The following PDE4B variants were observed in gnomAD, a reference collection of about 807,000 sequenced individuals.
The protein encoded by PDE4B is 3',5'-cyclic-AMP phosphodiesterase 4B.
In PDE4B, 20 loss-of-function variants were observed where a neutral mutation model predicts 82.2. The ratio of observed to expected loss-of-function variants is 0.24; its 90% CI spans 0.17 to 0.35. The LOEUF is 0.35. Among genes scored for constraint, PDE4B ranks in the 10% least tolerant of loss-of-function variants. PDE4B has a pLI of 1.00. For missense variants in PDE4B, 655 were observed against 907.2 expected, an observed-to-expected ratio of 0.72 and a Z score of 3.57; for synonymous variants, 320 against 318.9, an observed-to-expected ratio of 1.00 and a Z score of -0.04.
rs530802509 is a variant in PDE4B, at chr1:66,165,958, A to G, written c.282-81502A>G. Reference sequence around the variant, plus strand: ...ACAAATCAAACCTTGAGGGGAAAAAAAAAAAAGAAATTGGAGGATTCACAC... The same window carrying G: ...ACAAATCAAACCTTGAGGGGAAAAAGAAAAAAGAAATTGGAGGATTCACAC... On this transcript the variant is annotated intron_variant, in intron 3 of 16. Transcript: ENST00000341517. Among the ~76,000 whole-genome samples the G allele has an allele frequency of 9.7e-4, 148 of 152,246 alleles. 1 individual carries two copies. The highest frequency in any genetic ancestry group is 4.3e-4 in the Non-Finnish European group (29 of 68,014).
chr1:66,174,773 A>G (rs1200182131), intron 3 of PDE4B, among the ~76,000 whole-genome samples: 1 of 151,828 alleles, frequency 6.6e-6, no homozygotes, highest in Admixed American at 6.6e-5. Context: ...AACAACAACA[A>G]CAACAACAAC....
intron 1 of PDE4B, among the ~76,000 whole-genome samples, chr1:65,904,049 G>T (rs1647001160): frequency 6.6e-6 from 1 of 152,164 alleles, no homozygotes; most frequent in Non-Finnish European, 1.5e-5. Context: ...TTGTGTGCTT[G>T]CTTGCTTAAA....
intron 1 of PDE4B, among the ~76,000 whole-genome samples, chr1:65,816,000 C>T (rs1167123551): frequency 2.0e-5 from 3 of 152,040 alleles, no homozygotes; most frequent in Non-Finnish European, 2.9e-5. Flanking sequence ...CTGCTTGGCT[C>T]GGCTCTTTCT....
chr1:66,203,619 C>T (rs1039688230), intron 3 of PDE4B, among the ~76,000 whole-genome samples: 2 of 152,264 alleles, frequency 1.3e-5, no homozygotes, highest in South Asian at 2.1e-4. Context: ...CACTGATACC[C>T]TTTCTTCCAG....
intron 3 of PDE4B, among the ~76,000 whole-genome samples, chr1:65,950,189 T>C (rs538065461): frequency 6.6e-6 from 1 of 152,190 alleles, no homozygotes; most frequent in African/African-American, 2.4e-5. Flanking sequence ...CACATTCTTA[T>C]AGTTGTTATT....
At chr1:66,247,402 A>G (rs1432836826) in intron 3 of PDE4B, 58 bp from the exon 4 acceptor site, 1 of 1,232,046 alleles carries the variant, frequency 8.1e-7, no homozygotes, top group East Asian at 2.4e-5. Context: ...CTCAGTGTAT[A>G]CTATGTGTCC....
chr1:66,203,480 A>G (rs1428715210), intron 3 of PDE4B, among the ~76,000 whole-genome samples: 1 of 152,202 alleles, frequency 6.6e-6, no homozygotes, highest in Non-Finnish European at 1.5e-5. Flanking sequence ...ACTTTCAGGT[A>G]CACCAATCAG....
intron 3 of PDE4B, among the ~76,000 whole-genome samples, chr1:66,246,514 G>A (rs1172706394): frequency 6.6e-6 from 1 of 152,192 alleles, no homozygotes; most frequent in Non-Finnish European, 1.5e-5. Context: ...GAAATACTAG[G>A]GAAGAGGATT....
intron 15 of PDE4B, 186 bp downstream of exon 15, chr1:66,368,251 A>G: frequency 1.7e-6 from 1 of 573,660 alleles, no homozygotes; most frequent in Admixed American, 3.4e-5. Flanking sequence ...ATTTATGAGG[A>G]AAAATAATCT....
At chr1:65,826,451 G>T (rs1385204476) in intron 1 of PDE4B, among the ~76,000 whole-genome samples, 1 of 152,130 alleles carries the variant, frequency 6.6e-6, no homozygotes, top group Non-Finnish European at 1.5e-5. Flanking sequence ...ATATTTTACA[G>T]ACTTTTTCCT....
At chr1:66,222,054 A>G (rs1193154870) in intron 3 of PDE4B, among the ~76,000 whole-genome samples, 1 of 152,202 alleles carries the variant, frequency 6.6e-6, no homozygotes, top group Admixed American at 6.5e-5. Flanking sequence ...TCAGTAACCC[A>G]GCCTCCTCTG....
chr1:66,218,281 T>A (rs1650665581), intron 3 of PDE4B, among the ~76,000 whole-genome samples: 1 of 152,106 alleles, frequency 6.6e-6, no homozygotes. Flanking sequence ...AGAGAGGGCC[T>A]CATGTCATGA....
At chr1:66,144,138 G>C (rs1014806988) in intron 3 of PDE4B, among the ~76,000 whole-genome samples, 4 of 152,244 alleles carry the variant, frequency 2.6e-5, no homozygotes, top group African/African-American at 9.6e-5. Context: ...GAATTGCAAG[G>C]AGGGAGAAAG....
chr1:65,828,773 C>T (rs1351801678), intron 1 of PDE4B, among the ~76,000 whole-genome samples: 1 of 151,648 alleles, frequency 6.6e-6, no homozygotes, highest in Non-Finnish European at 1.5e-5. Context: ...ATTATAACCC[C>T]TAGGAAAATC....
At chr1:65,845,710 G>A (rs957246685) in intron 1 of PDE4B, among the ~76,000 whole-genome samples, 1 of 152,112 alleles carries the variant, frequency 6.6e-6, no homozygotes, top group Non-Finnish European at 1.5e-5. Flanking sequence ...CATGTAGAGC[G>A]ATATCCACCT....
chr1:66,239,924 A>G (rs143083025), intron 3 of PDE4B, among the ~76,000 whole-genome samples: 366 of 152,354 alleles, frequency 2.4e-3, no homozygotes, highest in African/African-American at 8.6e-3. Flanking sequence ...AAAGCTTTCT[A>G]ACAAAGGAAC....
At chr1:65,962,358 A>G (rs1649587365) in intron 3 of PDE4B, among the ~76,000 whole-genome samples, 1 of 152,138 alleles carries the variant, frequency 6.6e-6, no homozygotes, top group South Asian at 2.1e-4. Context: ...AGGGTCTGCT[A>G]CTGTAACATA....
chr1:66,208,825 A>G (rs1649783698), intron 3 of PDE4B, among the ~76,000 whole-genome samples: 1 of 152,238 alleles, frequency 6.6e-6, no homozygotes, highest in African/African-American at 2.4e-5. Context: ...CTAAATGCTT[A>G]GCTTGCATTA....
rs562021410 is a variant in PDE4B, at chr1:66,108,905, T to C, written c.282-138555T>C. ...CAATGAAATTAAATTTCTTAATTTC[T>C]GTTTTTGACTGAATGCAGATAAAAC... is the stretch of plus-strand genomic sequence containing the variant. On this transcript the variant is annotated intron_variant, in intron 3 of 16. Coordinates refer to ENST00000341517, the MANE Select transcript of PDE4B (RefSeq NM_002600.4). Among the ~76,000 whole-genome samples, 12 of 152,158 alleles carry C rather than the reference T, an allele frequency of 7.9e-5. No individual in the cohort carries two copies. The East Asian group carries it at 1.7e-3, about 22-fold the overall frequency.
Sources: allele counts gnomAD v4.1 joint callset (sites outside exome capture counted in the v4.1 genomes callset), GRCh38; gene constraint gnomAD v4.1.1; transcripts MANE v1.5; gene names NCBI Gene and HGNC (gene_info 2026-07-23, HGNC 2026-07-21).